Variants in CCDC186 observed in about 807,000 individuals in gnomAD.
CCDC186 encodes coiled-coil domain containing 186, also known as coiled-coil domain-containing protein 186.
In CCDC186, 49 loss-of-function variants were observed where a neutral mutation model predicts 113.7. That is an observed-to-expected ratio of 0.43 (90% CI 0.34 to 0.55). The LOEUF (loss-of-function observed/expected upper bound fraction) is 0.55. CCDC186 is among the 20% of genes least tolerant of loss of function. CCDC186 has a pLI of 0.02. For synonymous variants in CCDC186, 355 were observed against 345.8 expected, an observed-to-expected ratio of 1.03 and a Z score of -0.30; for missense variants, 890 against 1,011.1, an observed-to-expected ratio of 0.88 and a Z score of 1.62.
chr10:114,131,437 G>T, intron 11 of CCDC186, 101 bp from the exon 12 acceptor site: 1 of 988,012 alleles, frequency 1.0e-6, no homozygotes, highest in South Asian at 2.2e-5. Flanking sequence ...TGACAGTGGA[G>T]ATTCTTCTAT....
intron 4 of CCDC186, among the ~76,000 whole-genome samples, chr10:114,146,219 T>G (rs2031636925): frequency 6.6e-6 from 1 of 152,226 alleles, no homozygotes; most frequent in Non-Finnish European, 1.5e-5. Context: ...GGTTGGCTGA[T>G]GGCCACTCCC....
intron 4 of CCDC186, among the ~76,000 whole-genome samples, chr10:114,149,374 T>G (rs1460662027): frequency 1.3e-5 from 2 of 152,258 alleles, no homozygotes; most frequent in East Asian, 3.9e-4. Context: ...CAAATATTTT[T>G]GGAAGGATAC....
chr10:114,126,166 C>T, intron 14 of CCDC186, 61 bp from the exon 15 acceptor site: 5 of 1,243,500 alleles, frequency 4.0e-6, no homozygotes, highest in South Asian at 3.9e-5. Flanking sequence ...ATGGAATCTG[C>T]AAAAGTCAAC....
At chr10:114,171,066 A>G (rs1402600619) in intron 1 of CCDC186, among the ~76,000 whole-genome samples, 1 of 152,236 alleles carries the variant, frequency 6.6e-6, no homozygotes, top group Admixed American at 6.5e-5. Flanking sequence ...ACTAAAGCAG[A>G]AAGTTATCAG....
chr10:114,163,607 C>T lies in CCDC186; in HGVS notation c.-61-278G>A, dbSNP rs77765370. Among the ~76,000 whole-genome samples, 671 of 152,302 alleles carry T rather than the reference C, an allele frequency of 4.4e-3. 5 individuals are homozygous for T. The highest frequency in any genetic ancestry group is 0.015 in the African/African-American group (623 of 41,554). ...CAGTTGTAGTCTGGCATTCTCCAATCATCCCCATAAGATGTTAGGTAAGGA... is the reference window on the plus strand; with the variant it reads ...CAGTTGTAGTCTGGCATTCTCCAATTATCCCCATAAGATGTTAGGTAAGGA... On this transcript the variant is annotated intron_variant, in intron 1 of 15. Coordinates refer to ENST00000369287, the MANE Select transcript of CCDC186 (RefSeq NM_018017.4).
chr10:114,173,033 TG>T, intron 1 of CCDC186: 1 of 298,328 alleles, frequency 3.4e-6, no homozygotes, highest in South Asian at 2.9e-5. Flanking sequence ...CTTGAAACCC[TG>T]ATTTACTGAA....
intron 2 of CCDC186, among the ~76,000 whole-genome samples, chr10:114,158,527 G>T (rs2032075162): frequency 6.6e-6 from 1 of 150,892 alleles, no homozygotes; most frequent in Admixed American, 6.6e-5. Context: ...ATAAGTCTAT[G>T]AAATTATTAT....
chr10:114,129,226 C>T (rs1004147432), intron 13 of CCDC186, among the ~76,000 whole-genome samples: 2 of 151,812 alleles, frequency 1.3e-5, no homozygotes, highest in East Asian at 3.9e-4. Flanking sequence ...ACTTGAGAGG[C>T]TGAGGTGGGA....
chr10:114,135,509 A>G (rs1589611367), intron 9 of CCDC186, among the ~76,000 whole-genome samples: 2 of 152,154 alleles, frequency 1.3e-5, no homozygotes, highest in African/African-American at 4.8e-5. Flanking sequence ...TTGGCCATTA[A>G]AACTATCCAT....
intron 4 of CCDC186, among the ~76,000 whole-genome samples, chr10:114,147,075 C>T (rs368033913): frequency 3.3e-5 from 5 of 152,136 alleles, no homozygotes; most frequent in Admixed American, 2.0e-4. Context: ...TAGACAAAGA[C>T]TGAGAAAGTT....
In CCDC186 at chr10:114,162,979, G is replaced by A; in HGVS notation, c.290C>T (p.Pro97Leu). The change falls in exon 2 of 16, where the codon CCT becomes CTT. Residue 97 changes from proline to leucine, a missense_variant. Pro to Leu is a moderately conservative substitution (Grantham distance 98, BLOSUM62 -3). Transcript: ENST00000369287. ...SENSEQIANFPSGNFAKHISK... is the reference protein window; with the variant it reads ...SENSEQIANFLSGNFAKHISK... ...AATATGTTTAGCAAAATTTCCACTA[G>A]GAAAATTAGCTATTTGTTCAGAATT... is the stretch of plus-strand genomic sequence containing the variant. The A allele has an allele frequency of 6.2e-7, 1 of 1,613,780 alleles. No homozygotes were observed. The highest frequency in any genetic ancestry group is 1.1e-5 in the South Asian group (1 of 90,964).
intron 1 of CCDC186, among the ~76,000 whole-genome samples, chr10:114,173,441 TACCA>T (rs573870315): frequency 8.6e-4 from 131 of 152,296 alleles, no homozygotes; most frequent in Non-Finnish European, 1.6e-3. Context: ...ACCCCTTCCT[TACCA>T]ACCAAGGTTT....
chr10:114,163,377 CCATA>C lies in CCDC186; in HGVS notation c.-61-52_-61-49del, dbSNP rs1047904973. 3 of 1,456,008 alleles carry C rather than the reference CCATA, an allele frequency of 2.1e-6. No individual in the cohort carries two copies. The African/African-American group carries it at 4.2e-5, about 21-fold the overall frequency. The allele number at this position is 1,456,008 out of a possible 1,614,324, so 90.2% of individuals were successfully genotyped here. ...TTAAAAACCACTTTAAACCAAAACC[CCATA>C]CAAACTTGCACACACTCTGTGATGT... On this transcript the variant is annotated intron_variant, in intron 1 of 15. Coordinates refer to ENST00000369287, the MANE Select transcript of CCDC186 (RefSeq NM_018017.4).
In CCDC186 at chr10:114,122,647, TCACCA is replaced by T. The variant is rs1253997906; in HGVS notation, c.*2491_*2495del. The T allele has an allele frequency of 2.6e-5, 4 of 152,124 alleles. No homozygotes were observed. Among genetic ancestry groups the T allele is most frequent in the Non-Finnish European group, 5.9e-5 (4 of 68,028 alleles). 9.4% of individuals were successfully genotyped at this position (152,124 alleles called of 1,614,324 possible). A position where few individuals can be genotyped will look rare whatever the true frequency, so the allele number is the denominator to read the frequency against. ...TCCTTTTCCAGATACCCCATTCTCC[TCACCA>T]TATATTCAGAGGGCAGAAGGCCCTC... On this transcript the variant is annotated 3_prime_UTR_variant, in exon 16 of 16. Coordinates refer to ENST00000369287, the MANE Select transcript of CCDC186 (RefSeq NM_018017.4).
At chr10:114,138,289 A>G (rs1258824488) in intron 6 of CCDC186, among the ~76,000 whole-genome samples, 1 of 111,200 alleles carries the variant, frequency 9.0e-6, no homozygotes, top group East Asian at 2.8e-4. Context: ...AAACATAAAA[A>G]CTTTTTTTTT....
Position 114,174,079 on chromosome 10 carries a change from C to T in CCDC186, c.-126G>A, listed in dbSNP as rs750377164. Reference sequence around the variant, plus strand: ...GCTGGAGCTCTGGCTCAGGGGCCAACTTTTCCATAGCGGGGTCCAACCAGC... The same window carrying T: ...GCTGGAGCTCTGGCTCAGGGGCCAATTTTTCCATAGCGGGGTCCAACCAGC... On this transcript the variant is annotated 5_prime_UTR_variant, in exon 1 of 16. Coordinates refer to ENST00000369287, the MANE Select transcript of CCDC186 (RefSeq NM_018017.4). 2 of 472,202 alleles carry T rather than the reference C, an allele frequency of 4.2e-6. No individual in the cohort carries two copies. Among genetic ancestry groups the T allele is most frequent in the South Asian group, 3.1e-5 (2 of 64,578 alleles). The allele number at this position is 472,202 out of a possible 1,614,324, so 29.3% of individuals were successfully genotyped here.
rs544208461 is a variant in CCDC186, at chr10:114,168,032, T to A, written c.-61-4703A>T. Reference sequence around the variant, plus strand: ...AAGCAAATTTACACTCATATATATATATAGTAATTACAATTATAGATTATA... The same window carrying A: ...AAGCAAATTTACACTCATATATATAAATAGTAATTACAATTATAGATTATA... On this transcript the variant is annotated intron_variant, in intron 1 of 15. Coordinates refer to ENST00000369287, the MANE Select transcript of CCDC186 (RefSeq NM_018017.4). The A allele has an allele frequency of 2.0e-5, 3 of 152,188 alleles. No homozygotes were observed. The South Asian group carries it at 6.2e-4, about 32-fold the overall frequency. The allele number at this position is 152,188 out of a possible 1,614,324, so 9.4% of individuals were successfully genotyped here.
At chr10:114,171,222 G>C (rs2032485000) in intron 1 of CCDC186, among the ~76,000 whole-genome samples, 1 of 151,940 alleles carries the variant, frequency 6.6e-6, no homozygotes, top group African/African-American at 2.4e-5. Context: ...CTGACCTATA[G>C]TTCCTTTTTC....
intron 3 of CCDC186, among the ~76,000 whole-genome samples, chr10:114,155,733 T>C (rs1346351432): frequency 6.6e-6 from 1 of 152,114 alleles, no homozygotes; most frequent in Non-Finnish European, 1.5e-5. Context: ...AGTGAGTTTA[T>C]TAAACCCAAT....
Sources: gnomAD v4.1 joint callset for allele counts (sites outside exome capture counted in the v4.1 genomes callset) on GRCh38, gnomAD v4.1.1 for gene constraint, MANE v1.5 for transcripts, NCBI Gene and HGNC (gene_info 2026-07-23, HGNC 2026-07-21) for gene names.